ZFYVE27: variants seen among roughly 807,000 people sequenced by gnomAD.
ZFYVE27 encodes zinc finger FYVE-type containing 27.
ZFYVE27 carries 36 observed loss-of-function variants against 52.8 expected under a neutral mutation model. The observed-to-expected ratio is 0.68, with a 90% CI of 0.52 to 0.90. The LOEUF (loss-of-function observed/expected upper bound fraction) is 0.90. Ranked by LOEUF, ZFYVE27 falls within the 40% of genes least tolerant of loss-of-function variation. The pLI, the probability that ZFYVE27 is intolerant of heterozygous loss-of-function variation, is 0.00. For missense variants in ZFYVE27, 450 were observed against 527.2 expected, an observed-to-expected ratio of 0.85 and a Z score of 1.43; for synonymous variants, 223 against 215.6, an observed-to-expected ratio of 1.03 and a Z score of -0.30.
chr10:97,748,441 G>C (rs1433630021), intron 5 of ZFYVE27, 77 bp downstream of exon 5: 1 of 1,445,414 alleles, frequency 6.9e-7, no homozygotes, highest in African/African-American at 1.4e-5. Flanking sequence ...GCTGCCTTGA[G>C]AGGACCTCTG....
chr10:97,745,262 C>T (rs1013762542), intron 4 of ZFYVE27, among the ~76,000 whole-genome samples: 5 of 151,992 alleles, frequency 3.3e-5, no homozygotes, highest in Non-Finnish European at 7.4e-5. Context: ...CTGCAACCTC[C>T]GCCTTCCATT....
chr10:97,743,203 G>A lies in ZFYVE27; in HGVS notation c.268+39G>A, dbSNP rs777519258. On this transcript the variant is annotated intron_variant, in intron 3 of 12. Coordinates refer to ENST00000684270, the MANE Select transcript of ZFYVE27 (RefSeq NM_001385875.1). ...TCAGGGGCCAGTGGTTTTTGTGAAC[G>A]AATGTGGGGGAAGAACACCTGGATG... The A allele has an allele frequency of 1.3e-5, 21 of 1,609,088 alleles. No individual in the cohort carries two copies. The East Asian group carries it at 2.5e-4, about 19-fold the overall frequency.
chr10:97,760,749 G>A lies in ZFYVE27; in HGVS notation c.*1449G>A, dbSNP rs562845793. 41 of 152,384 alleles carry A rather than the reference G, an allele frequency of 2.7e-4. No individual in the cohort carries two copies. Among genetic ancestry groups the A allele is most frequent in the African/African-American group, 9.9e-4 (41 of 41,588 alleles). 9.4% of individuals were successfully genotyped at this position (152,384 alleles called of 1,614,324 possible). ...GGCCAGTGGAGGTGCCACAGCCCTG[G>A]GGAGCCAGACAGGCTTTGGTATCGT... On this transcript the variant is annotated 3_prime_UTR_variant, in exon 13 of 13. Transcript: ENST00000684270.
At position 97,759,443 on chromosome 10, in the gene ZFYVE27, T is replaced by G; in HGVS notation, c.*143T>G. The G allele has an allele frequency of 1.2e-6, 1 of 828,492 alleles. No individual in the cohort carries two copies. The highest frequency in any genetic ancestry group is 2.0e-6 in the Non-Finnish European group (1 of 492,986). The allele number at this position is 828,492 out of a possible 1,614,324, so 51.3% of individuals were successfully genotyped here. ...TAGGCTTCCCCTTCCTTCCTCACTC[T>G]CTCCAGCTGGATTCTGGAGCTGTTC... On this transcript the variant is annotated 3_prime_UTR_variant, in exon 13 of 13. Transcript: ENST00000684270.
At chr10:97,750,903 G>A (rs2136209883) in intron 7 of ZFYVE27, among the ~76,000 whole-genome samples, 1 of 152,114 alleles carries the variant, frequency 6.6e-6, no homozygotes, top group Middle Eastern at 3.4e-3. Context: ...ACCACGCCCA[G>A]CTAATTTTTT....
chr10:97,759,228 C>T lies in ZFYVE27; in HGVS notation c.1172-8C>T. 1.9e-6 allele frequency: 3 copies of T among 1,614,158 alleles called. No individual in the cohort carries two copies. The highest frequency in any genetic ancestry group is 1.7e-6 in the Non-Finnish European group (2 of 1,180,024). ...GAAATGTCTCACCAAGTTCTTCCTCCTTTTCAGCCCCTGAAGCCCAGAGGG... is the reference window on the plus strand; with the variant it reads ...GAAATGTCTCACCAAGTTCTTCCTCTTTTTCAGCCCCTGAAGCCCAGAGGG... On this transcript the variant is annotated splice_polypyrimidine_tract_variant and splice_region_variant and intron_variant, in intron 12 of 12. Transcript: ENST00000684270.
chr10:97,748,220 T>C, intron 4 of ZFYVE27, 49 bp from the exon 5 acceptor site: 1 of 1,584,520 alleles, frequency 6.3e-7, no homozygotes, highest in South Asian at 1.1e-5. Context: ...CAGGCTCCAC[T>C]TCCCAGGGCT....
chr10:97,750,527 T>C lies in ZFYVE27; in HGVS notation c.804+57T>C, dbSNP rs3829137. ...TGGCCGCTTGTGGGCCCCCCTGTTATCAGCTTGTTTTTGGCTCCTGGGCTG... is the reference window on the plus strand; with the variant it reads ...TGGCCGCTTGTGGGCCCCCCTGTTACCAGCTTGTTTTTGGCTCCTGGGCTG... On this transcript the variant is annotated intron_variant, in intron 7 of 12. Coordinates refer to ENST00000684270, the MANE Select transcript of ZFYVE27 (RefSeq NM_001385875.1). The C allele has an allele frequency of 0.52, 835,824 of 1,606,170 alleles. 228,419 individuals are homozygous for C. The highest frequency in any genetic ancestry group is 0.56 in the Non-Finnish European group (665,215 of 1,177,994).
At chr10:97,754,968 T>C (rs1338868571) in intron 10 of ZFYVE27, 5 of 356,972 alleles carry the variant, frequency 1.4e-5, no homozygotes, top group Non-Finnish European at 2.0e-5. Flanking sequence ...TCAGGTTGTC[T>C]GATTCGGCTC....
chr10:97,749,686 T>C (rs973535953), intron 6 of ZFYVE27, 100 bp downstream of exon 6: 29 of 1,000,624 alleles, frequency 2.9e-5, no homozygotes, highest in Middle Eastern at 2.4e-4. Flanking sequence ...ATCAGTTTGC[T>C]GTGCTTCCAC....
chr10:97,744,775 G>A lies in ZFYVE27; in HGVS notation c.315G>A (p.Leu105=), dbSNP rs375154108. 6.2e-6 allele frequency: 10 copies of A among 1,613,930 alleles called. No homozygotes were observed. The Admixed American group carries it at 6.7e-5, about 11-fold the overall frequency. Residue 105 remains leucine, a synonymous_variant, in exon 4 of 13, where the codon CTG becomes CTA. Transcript: ENST00000684270. The part of the protein sequence containing the change: ...VGALMISVPA[L]LGYLQEVCRA... ...CCCTGATGATTTCAGTGCCCGCCCT[G>A]CTGGGCTACCTTCAGGAGGTTTGCC...
chr10:97,742,772 C>T (rs1013325460), intron 2 of ZFYVE27, among the ~76,000 whole-genome samples: 2 of 152,148 alleles, frequency 1.3e-5, no homozygotes, highest in Non-Finnish European at 2.9e-5. Flanking sequence ...GTCAGTGTCA[C>T]CTCTTAAGGA....
chr10:97,738,335 G>C lies in ZFYVE27; in HGVS notation c.-1-142G>C, dbSNP rs1425340204. The C allele has an allele frequency of 9.1e-6, 8 of 877,176 alleles. No homozygotes were observed. The East Asian group carries it at 1.7e-4, about 19-fold the overall frequency. 54.3% of individuals were successfully genotyped at this position (877,176 alleles called of 1,614,324 possible). The stretch of plus-strand genomic sequence containing the variant: ...TGGGGAAAAGAGCATTGGATGGAGA[G>C]TACAAAGAACAGGATTTTAGGTCTG... On this transcript the variant is annotated intron_variant, in intron 1 of 12. Transcript: ENST00000684270.
rs747143782 is a variant in ZFYVE27 at position 97,743,120 on chromosome 10, T to C, written c.224T>C (p.Leu75Pro). ...LRWQMPLCSLLTCLGLNVLFL... is the reference protein window; with the variant it reads ...LRWQMPLCSLPTCLGLNVLFL... The stretch of plus-strand genomic sequence containing the variant: ...TGGCAGATGCCTTTGTGTTCCTTGC[T>C]GACCTGCCTGGGCCTCAACGTCTTG... Residue 75 changes from leucine (L) to proline (P), a missense_variant, in exon 3 of 13, where the codon CTG becomes CCG. Leu to Pro is a moderately conservative substitution (Grantham distance 98). Coordinates refer to ENST00000684270, the MANE Select transcript of ZFYVE27 (RefSeq NM_001385875.1). 4 of 1,614,258 alleles carry C rather than the reference T, an allele frequency of 2.5e-6. No homozygotes were observed.
chr10:97,738,195 G>C (rs1274669572), intron 1 of ZFYVE27, among the ~76,000 whole-genome samples: 5 of 152,214 alleles, frequency 3.3e-5, no homozygotes, highest in Non-Finnish European at 7.3e-5. Flanking sequence ...GAATTAACCA[G>C]GTAAAGAGTG....
chr10:97,756,704 C>T (rs2048428470), intron 10 of ZFYVE27, among the ~76,000 whole-genome samples: 1 of 152,246 alleles, frequency 6.6e-6, no homozygotes, highest in Non-Finnish European at 1.5e-5. Flanking sequence ...CACTGCCCAC[C>T]ACAATTGAGC....
chr10:97,749,437 C>A, intron 5 of ZFYVE27, 37 bp from the exon 6 acceptor site: 2 of 1,551,400 alleles, frequency 1.3e-6, no homozygotes. Context: ...TCTGCTGTTA[C>A]GAATTTCTGA....
intron 6 of ZFYVE27, 87 bp downstream of exon 6, chr10:97,749,673 A>G (rs747876850): frequency 2.6e-5 from 29 of 1,095,620 alleles, no homozygotes; most frequent in Admixed American, 3.4e-5. Context: ...TCTACAGCTA[A>G]TCATCAGTTT....
intron 8 of ZFYVE27, among the ~76,000 whole-genome samples, chr10:97,752,284 C>A (rs1440843704): frequency 6.6e-6 from 1 of 152,142 alleles, no homozygotes. Flanking sequence ...AGAAAAACAC[C>A]TCGTGGATTT....
Sources: gnomAD v4.1 joint callset for allele counts (sites outside exome capture counted in the v4.1 genomes callset) on GRCh38, gnomAD v4.1.1 for gene constraint, MANE v1.5 for transcripts, NCBI Gene and HGNC (gene_info 2026-07-23, HGNC 2026-07-21) for gene names.